Variants in SDK2 observed in about 807,000 individuals in gnomAD.
SDK2 encodes sidekick cell adhesion molecule 2.
A neutral mutation model predicts 253.9 loss-of-function variants in SDK2; 105 were observed. That is an observed-to-expected ratio of 0.41 (90% CI 0.35 to 0.49). The LOEUF is 0.49. Among genes scored for constraint, SDK2 ranks in the 20% least tolerant of loss-of-function variants. The pLI is 0.06. For synonymous variants in SDK2, 1,249 were observed against 1,234.9 expected (o/e 1.01, Z -0.24); for missense variants, 2,608 against 3,003.0 (o/e 0.87, Z 3.07).
chr17:73,560,144 C>A (rs2145850102), intron 1 of SDK2, among the ~76,000 whole-genome samples: 1 of 152,342 alleles, frequency 6.6e-6, no homozygotes, highest in South Asian at 2.1e-4. Flanking sequence ...TAAGCTCTTA[C>A]AGCCTCAGTT....
At chr17:73,418,166 C>A (rs2063199883) in intron 16 of SDK2, among the ~76,000 whole-genome samples, 1 of 151,992 alleles carries the variant, frequency 6.6e-6, no homozygotes, top group South Asian at 2.1e-4. Context: ...TGCCACCATG[C>A]CCAGGTAATT....
intron 1 of SDK2, among the ~76,000 whole-genome samples, chr17:73,622,147 A>G (rs967794724): frequency 3.3e-5 from 5 of 152,078 alleles, no homozygotes; most frequent in Non-Finnish European, 5.9e-5. Flanking sequence ...CTGAGCTCCA[A>G]TTGCCCAAAC....
chr17:73,369,326 G>A (rs969213448), intron 36 of SDK2: 1 of 302,946 alleles, frequency 3.3e-6, no homozygotes, highest in Admixed American at 3.4e-5. Flanking sequence ...GAGGGATGCA[G>A]AGTCTCAGGG....
chr17:73,394,827 G>A (rs2062956994), intron 25 of SDK2, among the ~76,000 whole-genome samples: 1 of 152,160 alleles, frequency 6.6e-6, no homozygotes, highest in South Asian at 2.1e-4. Context: ...CCTCCACTGT[G>A]GTCTTTCAGG....
At chr17:73,440,209 A>G (rs2063404073) in intron 6 of SDK2, among the ~76,000 whole-genome samples, 1 of 151,268 alleles carries the variant, frequency 6.6e-6, no homozygotes, top group Admixed American at 6.6e-5. Context: ...CTGGGTTCAA[A>G]CGATTCTCCT....
intron 1 of SDK2, among the ~76,000 whole-genome samples, chr17:73,551,134 G>T (rs796973841): frequency 6.6e-6 from 1 of 152,150 alleles, no homozygotes; most frequent in Non-Finnish European, 1.5e-5. Flanking sequence ...ACAGTGGGTC[G>T]AGGTGGTAGC....
At chr17:73,480,503 G>T (rs1483419197) in intron 2 of SDK2, among the ~76,000 whole-genome samples, 1 of 152,176 alleles carries the variant, frequency 6.6e-6, no homozygotes, top group South Asian at 2.1e-4. Context: ...GGAAGGAGAG[G>T]CTCAGGCATG....
intron 43 of SDK2, 26 bp from the exon 44 acceptor site, chr17:73,348,751 G>A (rs1214979028): frequency 6.3e-7 from 1 of 1,591,780 alleles, no homozygotes; most frequent in East Asian, 2.2e-5. Flanking sequence ...GAGTGGGGCC[G>A]AGAGGTGCAC....
intron 3 of SDK2, among the ~76,000 whole-genome samples, chr17:73,466,744 C>T (rs1258800313): frequency 7.3e-6 from 1 of 136,536 alleles, no homozygotes; most frequent in Admixed American, 7.7e-5. Context: ...GGCTCTGCAT[C>T]TTTGGGGGGC....
At chr17:73,641,898 C>T (rs970787951) in intron 1 of SDK2, among the ~76,000 whole-genome samples, 2 of 152,178 alleles carry the variant, frequency 1.3e-5, no homozygotes, top group Non-Finnish European at 2.9e-5. Context: ...ACCACGTTCC[C>T]ACAATCCTTT....
At chr17:73,450,725 C>A (rs910226177) in intron 4 of SDK2, among the ~76,000 whole-genome samples, 3 of 152,182 alleles carry the variant, frequency 2.0e-5, no homozygotes, top group African/African-American at 7.2e-5. Context: ...GTTGACTTTG[C>A]CCTCCAGGGA....
In SDK2 at chr17:73,481,532, G is replaced by A. The variant is rs1015544114; in HGVS notation, c.225-9314C>T. ...AGAGAGACAGGGAGACAGAGAAACA[G>A]AGACAGAGAAAGAGAGAGACAGAAA... On this transcript the variant is annotated intron_variant, in intron 2 of 44. Transcript: ENST00000392650. The surrounding 1 kb of genome is among the most constrained non-coding windows in gnomAD (Gnocchi z 4.5). Among the ~76,000 whole-genome samples the A allele has an allele frequency of 6.6e-6, 1 of 152,134 alleles. No individual in the cohort carries two copies. Among genetic ancestry groups the A allele is most frequent in the Non-Finnish European group, 1.5e-5 (1 of 68,014 alleles).
chr17:73,503,528 AT>A (rs1257975297), intron 2 of SDK2, among the ~76,000 whole-genome samples: 3 of 152,234 alleles, frequency 2.0e-5, no homozygotes, highest in Admixed American at 6.5e-5. Context: ...TGGTACATGT[AT>A]GCAGGTGTTT....
At chr17:73,350,608 A>G in intron 42 of SDK2, 42 bp downstream of exon 42, 1 of 1,587,154 alleles carries the variant, frequency 6.3e-7, no homozygotes, top group Non-Finnish European at 8.6e-7. Flanking sequence ...GAGATACATA[A>G]AACTCAAGTC....
chr17:73,578,542 C>A (rs1038077092), intron 1 of SDK2, among the ~76,000 whole-genome samples: 6 of 152,046 alleles, frequency 3.9e-5, no homozygotes, highest in African/African-American at 1.4e-4. Context: ...ATTAATGACT[C>A]GGTGACACAC....
intron 2 of SDK2, among the ~76,000 whole-genome samples, chr17:73,483,479 TTGTGTGTGTGTGTG>T (rs146198916): frequency 2.3e-5 from 3 of 127,674 alleles, no homozygotes; most frequent in African/African-American, 9.2e-5. Context: ...TGGCTAATCT[TTGTGTGTGTGTGTG>T]TGTGTGTGTG....
intron 10 of SDK2, among the ~76,000 whole-genome samples, chr17:73,433,085 G>A (rs1258598545): frequency 1.3e-5 from 2 of 151,952 alleles, no homozygotes; most frequent in East Asian, 1.9e-4. Context: ...CTGGGCTTTC[G>A]GACTCCCAGG....
In SDK2 at chr17:73,561,427, C is replaced by T. The variant is rs561806819; in HGVS notation, c.65-53830G>A. On this transcript the variant is annotated intron_variant, in intron 1 of 44. Transcript: ENST00000392650. The stretch of plus-strand genomic sequence containing the variant: ...CACCTGGGAGGACCCCAAATGGTGA[C>T]GTGGCTGCAGAGTTGTGGCCAAGAA... Among the ~76,000 whole-genome samples the T allele has an allele frequency of 1.7e-3, 261 of 152,306 alleles. 1 individual carries two copies. The highest frequency in any genetic ancestry group is 6.0e-3 in the African/African-American group (249 of 41,566).
intron 41 of SDK2, among the ~76,000 whole-genome samples, chr17:73,351,107 TTC>T (rs1390255914): frequency 2.1e-5 from 3 of 142,604 alleles, no homozygotes; most frequent in Non-Finnish European, 4.5e-5. Flanking sequence ...TAGCTACTTT[TTC>T]CCCTTTTTTT....
Sources: allele counts gnomAD v4.1 joint callset (sites outside exome capture counted in the v4.1 genomes callset), GRCh38; gene constraint gnomAD v4.1.1; non-coding constraint Gnocchi (gnomAD v3.1); transcripts MANE v1.5; gene names NCBI Gene and HGNC (gene_info 2026-07-23, HGNC 2026-07-21).